The following PLXNA4 variants were observed in gnomAD, a reference collection of about 807,000 sequenced individuals.
PLXNA4 encodes the protein plexin-A4.
A neutral mutation model predicts 191.8 loss-of-function variants in PLXNA4; 44 were observed. The ratio of observed to expected loss-of-function variants is 0.23; its 90% CI spans 0.18 to 0.29. The LOEUF (loss-of-function observed/expected upper bound fraction) is 0.29. Ranked by LOEUF, PLXNA4 falls within the 10% of genes least tolerant of loss-of-function variation. PLXNA4 has a pLI of 1.00. For missense variants in PLXNA4, 1,800 were observed against 2,488.8 expected, an observed-to-expected ratio of 0.72 and a Z score of 5.89; for synonymous variants, 1,082 against 1,009.5, an observed-to-expected ratio of 1.07 and a Z score of -1.36.
rs1796680505 is a variant in PLXNA4, at chr7:132,180,840, G to A, written c.3493-108C>T. 1.3e-5 allele frequency: 19 copies of A among 1,497,844 alleles called. No individual in the cohort carries two copies. In the South Asian group the frequency reaches 1.8e-4, roughly 14 times the overall value. The allele number at this position is 1,497,844 out of a possible 1,614,324, so 92.8% of individuals were successfully genotyped here. ...GGTCCCATCCCGCTGGTGAGCTGGTGAAGAAGCCACCTTTGGTAATAAGTG... is the reference window on the plus strand; with the variant it reads ...GGTCCCATCCCGCTGGTGAGCTGGTAAAGAAGCCACCTTTGGTAATAAGTG... On this transcript the variant is annotated intron_variant, in intron 18 of 31. Transcript: ENST00000321063.
intron 2 of PLXNA4, among the ~76,000 whole-genome samples, chr7:132,617,194 G>A (rs1000293): frequency 0.4 from 60,624 of 152,010 alleles, 13,127 homozygotes; most frequent in Non-Finnish European, 0.49. Context: ...TGTTCTCTGA[G>A]GCTTGCTCCC....
chr7:132,583,911 C>A (rs941681103), intron 2 of PLXNA4, among the ~76,000 whole-genome samples: 1 of 152,202 alleles, frequency 6.6e-6, no homozygotes, highest in Non-Finnish European at 1.5e-5. Context: ...GAGGGCCAAT[C>A]GTGCCATATC....
chr7:132,398,582 G>A (rs747454848), intron 3 of PLXNA4, among the ~76,000 whole-genome samples: 2 of 152,208 alleles, frequency 1.3e-5, no homozygotes, highest in Non-Finnish European at 2.9e-5. Context: ...CCCAGTTTAA[G>A]AGCCTGGGCT....
chr7:132,509,435 A>T (rs1798619560), intron 1 of PLXNA4, among the ~76,000 whole-genome samples: 1 of 152,160 alleles, frequency 6.6e-6, no homozygotes, highest in Non-Finnish European at 1.5e-5. Flanking sequence ...CCAAATTTGT[A>T]TGTGCTGTCT....
At chr7:132,600,814 AT>A (rs1309126216) in intron 2 of PLXNA4, among the ~76,000 whole-genome samples, 2 of 152,040 alleles carry the variant, frequency 1.3e-5, no homozygotes, top group Admixed American at 1.3e-4. Context: ...ATATTTTATT[AT>A]TTGTATCTTC....
chr7:132,172,758 T>TATAATAATAATATA lies in PLXNA4; in HGVS notation c.4017+2019_4017+2020insTATATTATTATTAT, dbSNP rs1554378602. Among the ~76,000 whole-genome samples, 385 of 149,018 alleles carry TATAATAATAATATA rather than the reference T, an allele frequency of 2.6e-3. 4 individuals carry two copies. Among genetic ancestry groups the TATAATAATAATATA allele is most frequent in the African/African-American group, 9.2e-3 (372 of 40,492 alleles). On this transcript the variant is annotated intron_variant, in intron 21 of 31. Transcript: ENST00000321063. The stretch of plus-strand genomic sequence containing the variant: ...TGCACATGTACCCTAAAACTTAAAG[T>TATAATAATAATATA]ATAATAATAATAATAATAATAATAA...
chr7:132,430,841 A>T (rs1795231624), intron 3 of PLXNA4, among the ~76,000 whole-genome samples: 1 of 152,184 alleles, frequency 6.6e-6, no homozygotes, highest in East Asian at 1.9e-4. Context: ...GTACATAAGG[A>T]CTGGATAAGC....
chr7:132,197,302 G>A (rs56231334), intron 13 of PLXNA4, among the ~76,000 whole-genome samples: 18,924 of 152,038 alleles, frequency 0.12, 1,378 homozygotes, highest in African/African-American at 0.2. Context: ...TTATTGAATG[G>A]TATTTCCTTG....
intron 29 of PLXNA4, among the ~76,000 whole-genome samples, chr7:132,144,369 C>T (rs1399090): frequency 0.26 from 40,170 of 152,090 alleles, 12,394 homozygotes; most frequent in African/African-American, 0.76. Flanking sequence ...ACAAATTACT[C>T]ACAAGTGAAA....
At chr7:132,605,067 GC>G (rs1214629633) in intron 2 of PLXNA4, among the ~76,000 whole-genome samples, 1 of 152,220 alleles carries the variant, frequency 6.6e-6, no homozygotes, top group East Asian at 1.9e-4. Context: ...AAATGTGCAG[GC>G]CCCATGCTGA....
At chr7:132,332,732 G>A (rs1187903136) in intron 3 of PLXNA4, among the ~76,000 whole-genome samples, 1 of 151,738 alleles carries the variant, frequency 6.6e-6, no homozygotes, top group African/African-American at 2.4e-5. Flanking sequence ...GGTGGGCGAG[G>A]GCCTGTAGTC....
intron 2 of PLXNA4, among the ~76,000 whole-genome samples, chr7:132,638,374 G>A (rs113684537): frequency 0.036 from 5,551 of 152,282 alleles, 352 homozygotes; most frequent in African/African-American, 0.12. Flanking sequence ...TGCCAGGGCC[G>A]GGCATGGTGG....
At chr7:132,406,534 G>T (rs1157194536) in intron 3 of PLXNA4, among the ~76,000 whole-genome samples, 1 of 152,084 alleles carries the variant, frequency 6.6e-6, no homozygotes, top group African/African-American at 2.4e-5. Flanking sequence ...CTTCTCCTTT[G>T]GCCTCCTAGC....
In PLXNA4 at chr7:132,338,027, A is replaced by G. The variant is rs1438378279; in HGVS notation, c.1372-39805T>C. 2.6e-5 allele frequency among the ~76,000 whole-genome samples: 4 copies of G among 152,036 alleles called. No individual in the cohort carries two copies. In the East Asian group the frequency reaches 7.7e-4, roughly 29 times the overall value. ...GTTGCTGTCACACTCTCATATCTAC[A>G]CTGTAGAGCGCTGTTATATACTCAC... is the stretch of plus-strand genomic sequence containing the variant. On this transcript the variant is annotated intron_variant, in intron 3 of 31. Coordinates refer to ENST00000321063, the MANE Select transcript of PLXNA4 (RefSeq NM_020911.2).
Position 132,219,469 on chromosome 7 carries a change from G to T in PLXNA4, c.2097+4058C>A, listed in dbSNP as rs545752569. ...AGATCTCTAAACACAGATCTCCATA[G>T]ATCTTCTTCACCTTTAAACCTCTCA... On this transcript the variant is annotated intron_variant, in intron 9 of 31. Coordinates refer to ENST00000321063, the MANE Select transcript of PLXNA4 (RefSeq NM_020911.2). Among the ~76,000 whole-genome samples, 8 of 152,298 alleles carry T rather than the reference G, an allele frequency of 5.3e-5. No individual in the cohort carries two copies. In the East Asian group the frequency reaches 1.5e-3, roughly 29 times the overall value.
At chr7:132,456,153 C>A (rs1363347824) in intron 3 of PLXNA4, among the ~76,000 whole-genome samples, 1 of 149,648 alleles carries the variant, frequency 6.7e-6, no homozygotes, top group Non-Finnish European at 1.5e-5. Context: ...CACTCTGTCA[C>A]CCAGGTTGGA....
rs1260746525 is a variant in PLXNA4, at chr7:132,159,527, T to C, written c.4606A>G (p.Ile1536Val). 3 of 1,614,190 alleles carry C rather than the reference T, an allele frequency of 1.9e-6. No homozygotes were observed. The highest frequency in any genetic ancestry group is 8.5e-7 in the Non-Finnish European group (1 of 1,180,030). ...TQVKEKILDA[I>V]FKNVPCSHRP... is the part of the protein sequence containing the mutation. The stretch of plus-strand genomic sequence containing the variant: ...TGGGAGCAAGGCACATTCTTGAAGA[T>C]GGCATCCAGAATCTTCTCCTTGACC... The change falls in exon 25 of 32, where the codon ATC becomes GTC. Residue 1536 changes from isoleucine to valine, a missense_variant. Ile to Val is a conservative substitution (Grantham distance 29). Around this residue, in one of 6 missense-constraint regions of PLXNA4, gnomAD observed 214 missense variants for 298.2 expected, o/e 0.72. Transcript: ENST00000321063.
intron 14 of PLXNA4, among the ~76,000 whole-genome samples, chr7:132,188,659 A>G (rs531514276): frequency 1.8e-4 from 28 of 152,152 alleles, no homozygotes; most frequent in Admixed American, 1.8e-3. Context: ...CAGGTCTAGT[A>G]TCCCTGTAAC....
At position 132,611,725 on chromosome 7, in the gene PLXNA4, C is replaced by A. The variant is rs569539983; in HGVS notation, c.-87+34203G>T. On this transcript the variant is annotated intron_variant, in intron 2 of 4. Transcript: ENST00000378539. Reference sequence around the variant, plus strand: ...GGGAGACCAGTACCAAAAGAGGAGTCCAGATACCTGTAGTGAGAGAGAACC... The same window carrying A: ...GGGAGACCAGTACCAAAAGAGGAGTACAGATACCTGTAGTGAGAGAGAACC... Among the ~76,000 whole-genome samples the A allele has an allele frequency of 1.2e-3, 179 of 152,296 alleles. 2 individuals carry two copies. The South Asian group carries it at 0.035, about 29-fold the overall frequency.
Sources: allele counts gnomAD v4.1 joint callset (sites outside exome capture counted in the v4.1 genomes callset), GRCh38; gene constraint gnomAD v4.1.1; regional missense constraint gnomAD v4.1.1; transcripts MANE v1.5; gene names NCBI Gene and HGNC (gene_info 2026-07-23, HGNC 2026-07-21).